Variants in PCDH9 observed in about 807,000 individuals in gnomAD.
PCDH9 encodes protocadherin 9, also known as protocadherin-9.
A neutral mutation model predicts 70.6 loss-of-function variants in PCDH9; 24 were observed. The ratio of observed to expected loss-of-function variants is 0.34; its 90% CI spans 0.25 to 0.48. The LOEUF (loss-of-function observed/expected upper bound fraction) is 0.48. PCDH9 is among the 20% of genes least tolerant of loss of function. The pLI is 0.99. For missense variants in PCDH9, 1,281 were observed against 1,503.6 expected (o/e 0.85, Z 2.45); for synonymous variants, 562 against 558.5 (o/e 1.01, Z -0.09).
chr13:67,098,229 G>T (rs1296677488), intron 2 of PCDH9, among the ~76,000 whole-genome samples: 1 of 152,076 alleles, frequency 6.6e-6, no homozygotes, highest in Admixed American at 6.6e-5. Context: ...ATATTAATTT[G>T]CAAAATGTCA....
At chr13:67,075,623 A>G (rs534943783) in intron 2 of PCDH9, among the ~76,000 whole-genome samples, 2 of 151,076 alleles carry the variant, frequency 1.3e-5, no homozygotes, top group East Asian at 2.0e-4. Context: ...TTAAAATTCC[A>G]TGACATCTTA....
intron 2 of PCDH9, chr13:67,222,175 A>G (rs1277658392): frequency 1.3e-5 from 2 of 151,916 alleles, no homozygotes; most frequent in African/African-American, 4.8e-5. Flanking sequence ...TTTATCATTT[A>G]AAGCCTTGTT....
At chr13:67,199,225 A>G (rs2089150712) in intron 2 of PCDH9, among the ~76,000 whole-genome samples, 1 of 151,660 alleles carries the variant, frequency 6.6e-6, no homozygotes, top group African/African-American at 2.4e-5. Flanking sequence ...ATGTGTGAAC[A>G]TATACCATAT....
chr13:66,869,012 TC>T (rs1438141609), intron 3 of PCDH9, among the ~76,000 whole-genome samples: 4 of 152,264 alleles, frequency 2.6e-5, no homozygotes, highest in Admixed American at 2.6e-4. Flanking sequence ...TAGGTTTGGC[TC>T]AACTGACTAT....
At chr13:66,642,004 T>C (rs1163834865) in intron 3 of PCDH9, among the ~76,000 whole-genome samples, 1 of 152,116 alleles carries the variant, frequency 6.6e-6, no homozygotes, top group Non-Finnish European at 1.5e-5. Flanking sequence ...TCAAGCACTA[T>C]TTATTTACTT....
chr13:66,616,866 C>T (rs2077362666), intron 4 of PCDH9, among the ~76,000 whole-genome samples: 1 of 152,032 alleles, frequency 6.6e-6, no homozygotes, highest in Non-Finnish European at 1.5e-5. Flanking sequence ...ATAAGGAGTC[C>T]GTACAATCCC....
intron 2 of PCDH9, among the ~76,000 whole-genome samples, chr13:67,026,675 A>C (rs946036145): frequency 6.6e-6 from 1 of 152,050 alleles, no homozygotes; most frequent in Non-Finnish European, 1.5e-5. Flanking sequence ...CCATTGTCTC[A>C]GCCCAAAATC....
chr13:66,656,795 T>C (rs1420156958), intron 3 of PCDH9, among the ~76,000 whole-genome samples: 1 of 152,214 alleles, frequency 6.6e-6, no homozygotes, highest in East Asian at 1.9e-4. Flanking sequence ...TTTTATGATA[T>C]GAGTTAGGTA....
intron 2 of PCDH9, among the ~76,000 whole-genome samples, chr13:67,183,112 C>T (rs997358595): frequency 2.0e-5 from 3 of 152,066 alleles, no homozygotes; most frequent in African/African-American, 7.2e-5. Flanking sequence ...ATAATTACTA[C>T]TATTTTATGC....
rs1321440778 is a variant in PCDH9, at chr13:66,708,970, G to C, written c.3139-77559C>G. 2.6e-5 allele frequency among the ~76,000 whole-genome samples: 4 copies of C among 152,140 alleles called. No individual in the cohort carries two copies. The East Asian group carries it at 7.7e-4, about 29-fold the overall frequency. ...TATGGTGTTCTCTGATATATCTTTG[G>C]GAAACATACCATTTCCAAGTAAGCC... On this transcript the variant is annotated intron_variant, in intron 3 of 4. Transcript: ENST00000377865.
At chr13:66,734,667 ATAATCAAAATGTGTATGTGGT>A (rs1450659500) in intron 3 of PCDH9, among the ~76,000 whole-genome samples, 1 of 152,218 alleles carries the variant, frequency 6.6e-6, no homozygotes, top group East Asian at 1.9e-4. Flanking sequence ...TTTTTGATGA[ATAATCAAAATGTGTATGTGGT>A]TAAATAAATA....
chr13:67,004,019 GTTCTTTGAGAAAC>G (rs2084298182), intron 2 of PCDH9, among the ~76,000 whole-genome samples: 1 of 152,038 alleles, frequency 6.6e-6, no homozygotes, highest in Non-Finnish European at 1.5e-5. Context: ...TTTTGATGAA[GTTCTTTGAGAAAC>G]TGAGAAGAGA....
chr13:67,144,508 G>C (rs1000157700), intron 2 of PCDH9, among the ~76,000 whole-genome samples: 4 of 152,090 alleles, frequency 2.6e-5, no homozygotes, highest in Non-Finnish European at 1.5e-5. Flanking sequence ...CTGAGAAATA[G>C]CTATCGTTCT....
intron 3 of PCDH9, among the ~76,000 whole-genome samples, chr13:66,727,245 A>C (rs1296597671): frequency 3.3e-5 from 5 of 152,208 alleles, no homozygotes; most frequent in Admixed American, 2.6e-4. Flanking sequence ...AGGATGACAG[A>C]GTGAGCTCCT....
At chr13:66,611,788 A>G (rs1003884970) in intron 4 of PCDH9, among the ~76,000 whole-genome samples, 4 of 152,130 alleles carry the variant, frequency 2.6e-5, no homozygotes, top group African/African-American at 9.7e-5. Flanking sequence ...TTTGACTTCA[A>G]TTTTCATAAT....
At chr13:66,475,812 ATG>A (rs1958715367) in intron 4 of PCDH9, among the ~76,000 whole-genome samples, 1 of 152,082 alleles carries the variant, frequency 6.6e-6, no homozygotes, top group African/African-American at 2.4e-5. Context: ...CAATTGTTTG[ATG>A]TGAATATTGC....
intron 2 of PCDH9, among the ~76,000 whole-genome samples, chr13:67,125,614 A>C (rs984054815): frequency 6.6e-6 from 1 of 152,150 alleles, no homozygotes; most frequent in East Asian, 1.9e-4. Flanking sequence ...AATAAATATC[A>C]CCAGCATCCA....
At chr13:66,563,408 A>G (rs1203474864) in intron 4 of PCDH9, among the ~76,000 whole-genome samples, 2 of 152,146 alleles carry the variant, frequency 1.3e-5, no homozygotes, top group African/African-American at 4.8e-5. Flanking sequence ...CTACTACTTC[A>G]GTCAAAACCA....
chr13:67,052,436 T>C (rs1418638150), intron 2 of PCDH9, among the ~76,000 whole-genome samples: 1 of 152,044 alleles, frequency 6.6e-6, no homozygotes, highest in Non-Finnish European at 1.5e-5. Context: ...AGCTCTCAGA[T>C]CACCTTGTAA....
Sources: allele counts gnomAD v4.1 joint callset (sites outside exome capture counted in the v4.1 genomes callset), GRCh38; gene constraint gnomAD v4.1.1; transcripts MANE v1.5; gene names NCBI Gene and HGNC (gene_info 2026-07-23, HGNC 2026-07-21).